ARHGAP15: variants seen among roughly 807,000 people sequenced by gnomAD.
ARHGAP15 encodes the protein Rho GTPase activating protein 15, also known as rho GTPase-activating protein 15.
Under a neutral mutation model 63.7 loss-of-function variants are expected in ARHGAP15, and 51 were observed. That is an observed-to-expected ratio of 0.80 (90% CI 0.64 to 1.01). The LOEUF is 1.01. Ranked by LOEUF, ARHGAP15 falls within the 50% of genes least tolerant of loss-of-function variation. The probability of loss-of-function intolerance (pLI) is 0.00; values close to 1 mark genes in which losing one functional copy is unlikely to be tolerated. For missense variants in ARHGAP15, 560 were observed against 564.6 expected (o/e 0.99, Z 0.08); for synonymous variants, 191 against 193.8 (o/e 0.99, Z 0.12).
chr2:143,149,358 T>C (rs1213297157), intron 1 of ARHGAP15, among the ~76,000 whole-genome samples: 1 of 152,018 alleles, frequency 6.6e-6, no homozygotes, highest in Non-Finnish European at 1.5e-5. Context: ...CCTGGGTGTA[T>C]GGCCATTTCT....
chr2:143,467,646 C>A (rs13024996), intron 8 of ARHGAP15, among the ~76,000 whole-genome samples: 40,187 of 151,966 alleles, frequency 0.26, 6,462 homozygotes, highest in Non-Finnish European at 0.37. Context: ...CTTTAGATGA[C>A]AACATAGATA....
chr2:143,397,360 C>A (rs1687813509), intron 6 of ARHGAP15, among the ~76,000 whole-genome samples: 2 of 144,226 alleles, frequency 1.4e-5, no homozygotes, highest in African/African-American at 5.6e-5. Context: ...ATATATATCT[C>A]CAACCTTAGT....
At chr2:143,131,496 C>T (rs1688914013) in intron 1 of ARHGAP15, among the ~76,000 whole-genome samples, 1 of 152,180 alleles carries the variant, frequency 6.6e-6, no homozygotes, top group African/African-American at 2.4e-5. Flanking sequence ...TGATATTCCT[C>T]CTGTTGCTCC....
At chr2:143,538,305 T>C (rs950921755) in intron 10 of ARHGAP15, among the ~76,000 whole-genome samples, 9 of 152,224 alleles carry the variant, frequency 5.9e-5, no homozygotes, top group Non-Finnish European at 1.2e-4. Context: ...TTTCTAGATA[T>C]ACAATCATGT....
chr2:143,245,134 A>T (rs1362437240), intron 5 of ARHGAP15, among the ~76,000 whole-genome samples: 5 of 152,172 alleles, frequency 3.3e-5, no homozygotes, highest in African/African-American at 1.2e-4. Flanking sequence ...GGGTCAACAT[A>T]TGGCAGGTAA....
intron 6 of ARHGAP15, among the ~76,000 whole-genome samples, chr2:143,351,624 T>C (rs527682143): frequency 3.9e-5 from 6 of 152,300 alleles, no homozygotes; most frequent in African/African-American, 1.4e-4. Context: ...AGGCGATGTC[T>C]ATGGTAGTGG....
intron 6 of ARHGAP15, among the ~76,000 whole-genome samples, chr2:143,339,318 A>C (rs1684949334): frequency 6.6e-6 from 1 of 152,070 alleles, no homozygotes; most frequent in South Asian, 2.1e-4. Context: ...TCAATTTCTT[A>C]TCTCTAAAAG....
intron 5 of ARHGAP15, among the ~76,000 whole-genome samples, chr2:143,247,958 A>G (rs1203895158): frequency 1.3e-5 from 2 of 152,202 alleles, no homozygotes; most frequent in African/African-American, 4.8e-5. Context: ...TCCTTCATTC[A>G]TGAATTCAGC....
intron 12 of ARHGAP15, among the ~76,000 whole-genome samples, chr2:143,680,361 C>G (rs941421976): frequency 6.6e-6 from 1 of 152,188 alleles, no homozygotes; most frequent in Non-Finnish European, 1.5e-5. Flanking sequence ...GCAATTGTAG[C>G]TTAAATTCCA....
At chr2:143,170,566 C>T (rs889327077) in intron 2 of ARHGAP15, among the ~76,000 whole-genome samples, 8 of 152,086 alleles carry the variant, frequency 5.3e-5, no homozygotes, top group Non-Finnish European at 1.2e-4. Flanking sequence ...CTACTGCATG[C>T]ATTTGTGGAT....
chr2:143,503,358 G>T (rs1693161888), intron 9 of ARHGAP15, among the ~76,000 whole-genome samples: 1 of 152,184 alleles, frequency 6.6e-6, no homozygotes, highest in Admixed American at 6.5e-5. Context: ...CTATTTAAAA[G>T]AGCTGTATTT....
At chr2:143,409,911 C>T (rs572138604) in intron 6 of ARHGAP15, among the ~76,000 whole-genome samples, 2 of 152,106 alleles carry the variant, frequency 1.3e-5, no homozygotes, top group African/African-American at 4.8e-5. Flanking sequence ...CAGAATGTAT[C>T]CCTGTCATTA....
At chr2:143,382,641 AG>A (rs1687110029) in intron 6 of ARHGAP15, among the ~76,000 whole-genome samples, 2 of 152,064 alleles carry the variant, frequency 1.3e-5, no homozygotes, top group South Asian at 4.1e-4. Flanking sequence ...TCTTTTCTTG[AG>A]GGGGACACAA....
intron 8 of ARHGAP15, among the ~76,000 whole-genome samples, chr2:143,450,176 G>A (rs1366757243): frequency 3.4e-5 from 5 of 145,442 alleles, no homozygotes; most frequent in African/African-American, 5.1e-5. Flanking sequence ...TTTTAAATCG[G>A]GCATAACCAT....
intron 12 of ARHGAP15, chr2:143,676,408 C>G (rs995037192): frequency 6.6e-6 from 1 of 152,174 alleles, no homozygotes; most frequent in Non-Finnish European, 1.5e-5. Flanking sequence ...GCTTTTGGCC[C>G]ATCTTGGCTT....
chr2:143,143,936 G>A (rs879023384), intron 1 of ARHGAP15, among the ~76,000 whole-genome samples: 2 of 151,774 alleles, frequency 1.3e-5, no homozygotes, highest in South Asian at 4.2e-4. Context: ...ACTCCAGTAG[G>A]CCCCAATATG....
intron 2 of ARHGAP15, among the ~76,000 whole-genome samples, chr2:143,193,135 A>G (rs1207754787): frequency 6.6e-6 from 1 of 152,224 alleles, no homozygotes; most frequent in African/African-American, 2.4e-5. Flanking sequence ...TTTCTCTTTC[A>G]GGGAAGCACA....
At chr2:143,378,310 A>T (rs1209630091) in intron 6 of ARHGAP15, among the ~76,000 whole-genome samples, 2 of 152,104 alleles carry the variant, frequency 1.3e-5, no homozygotes, top group Non-Finnish European at 2.9e-5. Context: ...TTTATTAAAC[A>T]GATATTAAAG....
chr2:143,606,192 G>A (rs2105205196), intron 11 of ARHGAP15, among the ~76,000 whole-genome samples: 1 of 152,232 alleles, frequency 6.6e-6, no homozygotes, highest in Non-Finnish European at 1.5e-5. Context: ...AAAATGGGAA[G>A]CTGGTTTAAA....
Sources: allele counts gnomAD v4.1 joint callset (sites outside exome capture counted in the v4.1 genomes callset), GRCh38; gene constraint gnomAD v4.1.1; transcripts MANE v1.5; gene names NCBI Gene and HGNC (gene_info 2026-07-23, HGNC 2026-07-21).